The following TAF12 variants were observed in gnomAD, a reference collection of about 807,000 sequenced individuals.
TAF12 encodes the protein transcription initiation factor TFIID subunit 12.
TAF12 carries 3 observed loss-of-function variants against 20.8 expected under a neutral mutation model. The observed-to-expected ratio is 0.14, with a 90% CI of 0.07 to 0.37. The LOEUF (loss-of-function observed/expected upper bound fraction) is 0.37. TAF12 is among the 10% of genes least tolerant of loss of function. The pLI, the probability that TAF12 is intolerant of heterozygous loss-of-function variation, is 1.00. For missense variants in TAF12, 131 were observed against 197.9 expected (o/e 0.66, Z 2.03); for synonymous variants, 69 against 70.2 (o/e 0.98, Z 0.09).
upstream of TAF12, chr1:28,643,142 G>A: frequency 3.0e-6 from 3 of 984,504 alleles, no homozygotes; most frequent in Non-Finnish European, 3.6e-6. Flanking sequence ...TCCGGCCGGC[G>A]GGCGCGCGCC....
chr1:28,633,729 T>C (rs984016556), intron 1 of TAF12, among the ~76,000 whole-genome samples: 1 of 151,494 alleles, frequency 6.6e-6, no homozygotes, highest in Non-Finnish European at 1.5e-5. Flanking sequence ...CTGACCAACA[T>C]GGTGAAACCC....
upstream of TAF12, among the ~76,000 whole-genome samples, chr1:28,645,699 TG>T (rs1205782346): frequency 6.9e-6 from 1 of 144,788 alleles, no homozygotes; most frequent in Non-Finnish European, 1.5e-5. Context: ...GGCCAGGCAC[TG>T]TGGCTCACGC....
At chr1:28,612,131 T>A (rs908393009) in intron 4 of TAF12, among the ~76,000 whole-genome samples, 2 of 152,204 alleles carry the variant, frequency 1.3e-5, no homozygotes, top group South Asian at 4.1e-4. Context: ...CTGCACCGAA[T>A]CTCATTCATT....
At chr1:28,637,978 C>T (rs1166849778) in intron 1 of TAF12, among the ~76,000 whole-genome samples, 1 of 151,940 alleles carries the variant, frequency 6.6e-6, no homozygotes, top group Non-Finnish European at 1.5e-5. Flanking sequence ...CAGTGAGACC[C>T]CATTCCTATT....
intron 1 of TAF12, among the ~76,000 whole-genome samples, chr1:28,631,891 G>T (rs1667642361): frequency 6.6e-6 from 1 of 152,210 alleles, no homozygotes; most frequent in Admixed American, 6.6e-5. Flanking sequence ...TGGTGTGAAT[G>T]TAAAATGGTA....
chr1:28,616,426 A>G (rs779336939), intron 3 of TAF12, among the ~76,000 whole-genome samples: 6 of 150,436 alleles, frequency 4.0e-5, no homozygotes, highest in Non-Finnish European at 5.9e-5. Context: ...AGAAAAAGAA[A>G]AACAGTAAGG....
chr1:28,636,674 A>T (rs1295363532), intron 1 of TAF12, among the ~76,000 whole-genome samples: 1 of 151,780 alleles, frequency 6.6e-6, no homozygotes. Flanking sequence ...GGTGGCATGC[A>T]GCTGTGGTCC....
upstream of TAF12, chr1:28,646,328 T>C (rs746560270): frequency 6.6e-6 from 1 of 152,088 alleles, no homozygotes; most frequent in Non-Finnish European, 1.5e-5. Flanking sequence ...GGAAGAGCAA[T>C]TGACAGCACC....
intron 4 of TAF12, among the ~76,000 whole-genome samples, chr1:28,609,161 C>CCGCCT (rs1365755579): frequency 2.0e-5 from 3 of 151,690 alleles, no homozygotes; most frequent in Non-Finnish European, 4.4e-5. Context: ...ACTGCAACCT[C>CCGCCT]CGCCTCCTAG....
intron 3 of TAF12, among the ~76,000 whole-genome samples, chr1:28,614,707 C>T (rs1459020155): frequency 6.6e-6 from 1 of 150,524 alleles, no homozygotes; most frequent in East Asian, 2.0e-4. Context: ...GCAGAGGAAC[C>T]AGGATGCCAC....
chr1:28,639,111 A>G (rs1018276457), intron 1 of TAF12, among the ~76,000 whole-genome samples: 4 of 150,912 alleles, frequency 2.7e-5, no homozygotes, highest in South Asian at 4.2e-4. Flanking sequence ...ATCTTGCTCT[A>G]TTGCCCAGGC....
At chr1:28,629,556 G>A (rs1412724482) in intron 1 of TAF12, among the ~76,000 whole-genome samples, 2 of 151,950 alleles carry the variant, frequency 1.3e-5, no homozygotes, top group African/African-American at 4.8e-5. Context: ...GGCTGGTCTC[G>A]AACTTCCAAC....
At chr1:28,625,795 C>A (rs1667363784) in intron 1 of TAF12, among the ~76,000 whole-genome samples, 2 of 151,836 alleles carry the variant, frequency 1.3e-5, no homozygotes, top group African/African-American at 4.8e-5. Context: ...CCTGCCTCGG[C>A]CTCCCAAAGT....
chr1:28,623,623 C>G (rs761284209), intron 1 of TAF12, among the ~76,000 whole-genome samples: 3 of 152,146 alleles, frequency 2.0e-5, no homozygotes, highest in Non-Finnish European at 4.4e-5. Context: ...ATAGCACAAT[C>G]ACATCCTTTA....
chr1:28,621,867 A>G (rs774829455), intron 2 of TAF12, 47 bp downstream of exon 2: 1 of 1,596,572 alleles, frequency 6.3e-7, no homozygotes, highest in South Asian at 1.1e-5. Context: ...AGATTGAAAT[A>G]ATAGGTAAGA....
chr1:28,627,905 T>C (rs1667474271), intron 1 of TAF12, among the ~76,000 whole-genome samples: 1 of 152,052 alleles, frequency 6.6e-6, no homozygotes, highest in African/African-American at 2.4e-5. Flanking sequence ...AGACTAACAC[T>C]ACCCTTAGGT....
At chr1:28,632,262 A>ATG (rs1284020431) in intron 1 of TAF12, among the ~76,000 whole-genome samples, 1 of 151,872 alleles carries the variant, frequency 6.6e-6, no homozygotes, top group African/African-American at 2.4e-5. Flanking sequence ...ACATGGTGAA[A>ATG]CGCTCTCTAC....
intron 1 of TAF12, among the ~76,000 whole-genome samples, chr1:28,631,548 G>A (rs1667619457): frequency 6.6e-6 from 1 of 152,028 alleles, no homozygotes; most frequent in Non-Finnish European, 1.5e-5. Flanking sequence ...AAAATGGGCA[G>A]ACTGGGCATG....
intron 1 of TAF12, among the ~76,000 whole-genome samples, chr1:28,634,040 G>A (rs1423622622): frequency 9.3e-5 from 14 of 150,580 alleles, no homozygotes; most frequent in Admixed American, 4.7e-4. Context: ...CCGAGATTGC[G>A]CCACTGCAAC....
Sources: gnomAD v4.1 joint callset for allele counts (sites outside exome capture counted in the v4.1 genomes callset) on GRCh38, gnomAD v4.1.1 for gene constraint, MANE v1.5 for transcripts, NCBI Gene and HGNC (gene_info 2026-07-23, HGNC 2026-07-21) for gene names.